Variants in EDEM1 observed in about 807,000 individuals in gnomAD.
The protein encoded by EDEM1 is ER degradation enhancing alpha-mannosidase like protein 1.
EDEM1 carries 67 observed loss-of-function variants against 74.4 expected under a neutral mutation model. The ratio of observed to expected loss-of-function variants is 0.90; its 90% CI spans 0.74 to 1.10. The LOEUF (loss-of-function observed/expected upper bound fraction) is 1.10, where lower values mean the gene tolerates loss of function less well. EDEM1 is among the 50% of genes least tolerant of loss of function. EDEM1 has a pLI of 0.00. For synonymous variants in EDEM1, 382 were observed against 335.9 expected, an observed-to-expected ratio of 1.14 and a Z score of -1.50; for missense variants, 926 against 851.6, an observed-to-expected ratio of 1.09 and a Z score of -1.09.
rs758396347 is a variant in EDEM1 at position 5,213,503 on chromosome 3, T to G, written c.1865T>G (p.Val622Gly). The change falls in exon 11 of 12, where the codon GTC becomes GGC. Residue 622 changes from valine (V) to glycine (G), a missense_variant. Coordinates refer to ENST00000256497, the MANE Select transcript of EDEM1 (RefSeq NM_014674.3). ...AGGCCGAAACCTCATGAGTTAAAAG[T>G]CATCAACTCCAGCTCCAACGTGAGT... is the stretch of plus-strand genomic sequence containing the variant. ...VHRPKPHELK[V>G]INSSSNCNRV... The G allele has an allele frequency of 2.5e-5, 40 of 1,610,702 alleles. No homozygotes were observed. Among genetic ancestry groups the G allele is most frequent in the Non-Finnish European group, 8.5e-7 (1 of 1,177,910 alleles).
At chr3:5,203,223 G>T (rs2106598202) in intron 5 of EDEM1, 74 bp downstream of exon 5, 3 of 1,424,050 alleles carry the variant, frequency 2.1e-6, no homozygotes, top group Non-Finnish European at 2.8e-6. Flanking sequence ...TCTGGGCTCT[G>T]CCCCCTTTTT....
chr3:5,210,159 C>T lies in EDEM1; in HGVS notation c.1510-16C>T. ...CCAAGCCCATGCTGGATCACATTCT[C>T]TCGTGTTCTCTCTAGGCAACCAAGA... On this transcript the variant is annotated splice_polypyrimidine_tract_variant and intron_variant, in intron 8 of 11. Coordinates refer to ENST00000256497, the MANE Select transcript of EDEM1 (RefSeq NM_014674.3). 2 of 1,611,544 alleles carry T rather than the reference C, an allele frequency of 1.2e-6. No homozygotes were observed. The highest frequency in any genetic ancestry group is 8.5e-7 in the Non-Finnish European group (1 of 1,177,590).
rs2055245681 is a variant in EDEM1, at chr3:5,217,055, C to G, written c.*1137C>G. On this transcript the variant is annotated 3_prime_UTR_variant, in exon 12 of 12. Coordinates refer to ENST00000256497, the MANE Select transcript of EDEM1 (RefSeq NM_014674.3). ...GCCTTATATTGGTTTTGGTTTGGGG[C>G]ACTGGATGTCGCAGCTACTGCTATG... is the stretch of plus-strand genomic sequence containing the variant. 1 of 152,554 alleles carries G rather than the reference C, an allele frequency of 6.6e-6. No homozygotes were observed. The highest frequency in any genetic ancestry group is 1.5e-5 in the Non-Finnish European group (1 of 68,050). The allele number at this position is 152,554 out of a possible 1,614,324, so 9.5% of individuals were successfully genotyped here.
At chr3:5,204,577 A>G (rs972577692) in intron 5 of EDEM1, among the ~76,000 whole-genome samples, 1 of 152,100 alleles carries the variant, frequency 6.6e-6, no homozygotes, top group African/African-American at 2.4e-5. Flanking sequence ...TTTTTGGTAG[A>G]GACAGAGTTT....
chr3:5,193,819 A>C (rs889467242), intron 1 of EDEM1, among the ~76,000 whole-genome samples: 7 of 152,248 alleles, frequency 4.6e-5, no homozygotes, highest in African/African-American at 1.4e-4. Context: ...GCTGGTCTTG[A>C]ACTCCTGACC....
intron 7 of EDEM1, 39 bp from the exon 8 acceptor site, chr3:5,208,054 A>G: frequency 6.4e-7 from 1 of 1,550,572 alleles, no homozygotes; most frequent in Non-Finnish European, 8.7e-7. Flanking sequence ...TCACTCTAGG[A>G]ATGGTATCTC....
intron 11 of EDEM1, among the ~76,000 whole-genome samples, chr3:5,215,205 AATGAATGTATTT>A (rs1315089090): frequency 6.6e-6 from 1 of 151,818 alleles, no homozygotes; most frequent in Non-Finnish European, 1.5e-5. Context: ...TGAAGCAGAT[AATGAATGTATTT>A]AGACAACTGC....
intron 5 of EDEM1, 43 bp from the exon 6 acceptor site, chr3:5,205,024 G>A (rs780947348): frequency 9.4e-6 from 15 of 1,603,254 alleles, no homozygotes; most frequent in East Asian, 4.5e-5. Flanking sequence ...TGTCCTCCCC[G>A]ATGAGACAGC....
In EDEM1 at chr3:5,209,323, G is replaced by A. The variant is rs535589488; in HGVS notation, c.1510-852G>A. Among the ~76,000 whole-genome samples the A allele has an allele frequency of 3.9e-5, 6 of 152,250 alleles. No homozygotes were observed. The South Asian group carries it at 6.2e-4, about 16-fold the overall frequency. On this transcript the variant is annotated intron_variant, in intron 8 of 11. Coordinates refer to ENST00000256497, the MANE Select transcript of EDEM1 (RefSeq NM_014674.3). ...TGAGCCCAGTAGAAAGACTGTACAC[G>A]GAGGATGGCGTGCCGGTTACTGGCT...
At chr3:5,207,030 A>C in intron 6 of EDEM1, 123 bp from the exon 7 acceptor site, 1 of 1,327,576 alleles carries the variant, frequency 7.5e-7, no homozygotes, top group Non-Finnish European at 1.0e-6. Context: ...GGTTTAAGGA[A>C]TGAGTTAGGA....
At position 5,188,098 on chromosome 3, in the gene EDEM1, C is replaced by G. The variant is rs1285520401; in HGVS notation, c.293C>G (p.Ala98Gly). 6.6e-6 allele frequency: 10 copies of G among 1,508,072 alleles called. No individual in the cohort carries two copies. The East Asian group carries it at 2.2e-4, about 34-fold the overall frequency. The allele number at this position is 1,508,072 out of a possible 1,614,324, so 93.4% of individuals were successfully genotyped here. ...RRPGPGMCGP[A>G]NWGYVLGGRG... ...CCTGGGCCGGGGATGTGCGGCCCAG[C>G]CAACTGGGGCTACGTGCTGGGCGGC... Residue 98 changes from alanine (A) to glycine (G), a missense_variant, in exon 1 of 12, where the codon GCC (alanine) becomes GGC (glycine). Ala to Gly is a moderately conservative substitution (Grantham distance 60). Coordinates refer to ENST00000256497, the MANE Select transcript of EDEM1 (RefSeq NM_014674.3).
intron 1 of EDEM1, among the ~76,000 whole-genome samples, chr3:5,189,999 T>TG (rs11353549): frequency 0.012 from 1,765 of 149,370 alleles, 35 homozygotes; most frequent in African/African-American, 0.042. Flanking sequence ...GTTTTTTTTT[T>TG]GGGGGGGGGG....
rs574376461 is a variant in EDEM1 at position 5,187,749 on chromosome 3, G to A, written c.-57G>A. On this transcript the variant is annotated 5_prime_UTR_variant, in exon 1 of 12. It adds an upstream start codon to the 5' untranslated region. Transcript: ENST00000256497. ...GGCTACGGGGCGAGCGCGGGGTGCG[G>A]TGGTCGGCGGGGAGGCCCCCGCGCT... 94 of 1,458,054 alleles carry A rather than the reference G, an allele frequency of 6.4e-5. No homozygotes were observed. In the South Asian group the frequency reaches 1.2e-3, roughly 19 times the overall value. The allele number at this position is 1,458,054 out of a possible 1,614,324, so 90.3% of individuals were successfully genotyped here.
rs2055276659 is a variant in EDEM1, at chr3:5,218,875, T to A, written c.*2957T>A. On this transcript the variant is annotated 3_prime_UTR_variant, in exon 12 of 12. Transcript: ENST00000256497. ...TTTAAATTTTTTTTTTGGCAGCGCT[T>A]GTGCTGGAACTTACTCATTGTAACT... The A allele has an allele frequency of 6.6e-6, 1 of 152,180 alleles. No homozygotes were observed. The highest frequency in any genetic ancestry group is 2.4e-5 in the African/African-American group (1 of 41,436). 9.4% of individuals were successfully genotyped at this position (152,180 alleles called of 1,614,324 possible). A position where few individuals can be genotyped will look rare whatever the true frequency, so the allele number is the denominator to read the frequency against.
intron 5 of EDEM1, among the ~76,000 whole-genome samples, chr3:5,204,787 A>G (rs757249805): frequency 1.3e-5 from 2 of 152,220 alleles, no homozygotes; most frequent in East Asian, 1.9e-4. Context: ...TTTGAAATGC[A>G]TCGTCAATCT....
intron 11 of EDEM1, among the ~76,000 whole-genome samples, chr3:5,215,579 G>A (rs2055224460): frequency 1.3e-5 from 2 of 152,244 alleles, no homozygotes; most frequent in Non-Finnish European, 2.9e-5. Flanking sequence ...TGCTCCTCAG[G>A]GAACATTGGA....
At chr3:5,193,229 C>T (rs549448967) in intron 1 of EDEM1, among the ~76,000 whole-genome samples, 7 of 152,220 alleles carry the variant, frequency 4.6e-5, no homozygotes, top group South Asian at 2.1e-4. Context: ...GCTGTTGAAG[C>T]CCACTCTGTT....
At position 5,211,579 on chromosome 3, in the gene EDEM1, T is replaced by C. The variant is rs991329583; in HGVS notation, c.1680+363T>C. On this transcript the variant is annotated intron_variant, in intron 10 of 11. Transcript: ENST00000256497. ...ATGGCTTCTCACTTCTCTTGATGTA[T>C]GTGATCTTAGCCAAGACCTGCAGCT... is the stretch of plus-strand genomic sequence containing the variant. Among the ~76,000 whole-genome samples, 8 of 152,202 alleles carry C rather than the reference T, an allele frequency of 5.3e-5. No individual in the cohort carries two copies. In the South Asian group the frequency reaches 1.7e-3, roughly 31 times the overall value.
intron 8 of EDEM1, 69 bp downstream of exon 8, chr3:5,208,332 G>T: frequency 1.3e-6 from 2 of 1,543,860 alleles, no homozygotes; most frequent in South Asian, 2.4e-5. Context: ...CATTCTTAAT[G>T]AACATTTGCT....
Sources: allele counts gnomAD v4.1 joint callset (sites outside exome capture counted in the v4.1 genomes callset), GRCh38; gene constraint gnomAD v4.1.1; transcripts MANE v1.5; gene names NCBI Gene and HGNC (gene_info 2026-07-23, HGNC 2026-07-21).